Variants in DST observed in about 807,000 individuals in gnomAD.
The protein encoded by DST is dystonin, also known as bullous pemphigoid antigen.
In DST, 253 loss-of-function variants were observed where a neutral mutation model predicts 875.2. The ratio of observed to expected loss-of-function variants is 0.29; its 90% CI spans 0.26 to 0.32. DST has a LOEUF of 0.32. Ranked by LOEUF, DST falls within the 10% of genes least tolerant of loss-of-function variation. The probability of loss-of-function intolerance (pLI) is 1.00; values close to 1 mark genes in which losing one functional copy is unlikely to be tolerated. For missense variants in DST, 8,287 were observed against 9,111.6 expected, an observed-to-expected ratio of 0.91 and a Z score of 3.68; for synonymous variants, 3,124 against 3,197.1, an observed-to-expected ratio of 0.98 and a Z score of 0.77.
chr6:56,710,925 A>C (rs909405267), intron 5 of DST, among the ~76,000 whole-genome samples: 16 of 152,212 alleles, frequency 1.1e-4, no homozygotes, highest in African/African-American at 3.9e-4. Context: ...GCCACATAGA[A>C]TTCATCTCCT....
At chr6:56,650,816 T>G in intron 12 of DST, 110 bp downstream of exon 12, 1 of 624,590 alleles carries the variant, frequency 1.6e-6, no homozygotes, top group Non-Finnish European at 2.8e-6. Context: ...TAACTCAAAT[T>G]CTTTAAAATA....
intron 2 of DST, 145 bp downstream of exon 2, chr6:56,953,640 T>C (rs1823525752): frequency 7.7e-6 from 4 of 518,526 alleles, no homozygotes; most frequent in Middle Eastern, 3.4e-4. Flanking sequence ...TGAAATCACT[T>C]AAAAGGAAAC....
intron 2 of DST, among the ~76,000 whole-genome samples, chr6:56,933,332 T>C (rs532941021): frequency 1.3e-5 from 2 of 152,366 alleles, no homozygotes; most frequent in South Asian, 4.1e-4. Flanking sequence ...ATTTTGTCTG[T>C]AACTTCTGCT....
intron 2 of DST, among the ~76,000 whole-genome samples, chr6:56,940,053 C>T (rs1815554321): frequency 6.6e-6 from 1 of 151,750 alleles, no homozygotes; most frequent in Non-Finnish European, 1.5e-5. Context: ...ATAAATAAGT[C>T]TAGCAGAAGT....
intron 82 of DST, among the ~76,000 whole-genome samples, chr6:56,494,643 G>C (rs2095852109): frequency 6.6e-6 from 1 of 152,066 alleles, no homozygotes. Flanking sequence ...GCAATGGATA[G>C]AAAGTAAATA....
At chr6:56,462,013 A>G (rs2094354507) in intron 102 of DST, 1 of 152,226 alleles carries the variant, frequency 6.6e-6, no homozygotes, top group African/African-American at 2.4e-5. Flanking sequence ...CCTGTCACTT[A>G]TTATTAATGT....
intron 2 of DST, among the ~76,000 whole-genome samples, chr6:56,911,748 G>A (rs755628255): frequency 1.3e-5 from 2 of 152,152 alleles, no homozygotes; most frequent in African/African-American, 2.4e-5. Context: ...CAAAGACTAC[G>A]AGGTTGAAGC....
chr6:56,887,682 G>C (rs1244331494), intron 3 of DST, among the ~76,000 whole-genome samples: 1 of 152,048 alleles, frequency 6.6e-6, no homozygotes, highest in Non-Finnish European at 1.5e-5. Context: ...TCACATACAA[G>C]AAAGACATAG....
intron 57 of DST, 135 bp downstream of exon 57, chr6:56,561,173 A>T: frequency 9.7e-7 from 1 of 1,030,790 alleles, no homozygotes; most frequent in Non-Finnish European, 1.3e-6. Context: ...CACATTAAAC[A>T]AAACTGTCAA....
chr6:56,737,482 C>T (rs913276110), intron 4 of DST, among the ~76,000 whole-genome samples: 6 of 152,302 alleles, frequency 3.9e-5, no homozygotes, highest in Non-Finnish European at 7.4e-5. Context: ...AAGCAAAATA[C>T]AATTAACAAT....
intron 5 of DST, among the ~76,000 whole-genome samples, chr6:56,715,106 G>C (rs1030880987): frequency 8.5e-5 from 13 of 152,142 alleles, no homozygotes; most frequent in Admixed American, 4.6e-4. Flanking sequence ...CCTACACTTT[G>C]CATTTGACCT....
intron 4 of DST, among the ~76,000 whole-genome samples, chr6:56,767,384 A>T (rs2099636190): frequency 6.6e-6 from 1 of 152,134 alleles, no homozygotes; most frequent in South Asian, 2.1e-4. Context: ...TGGGAGGCCA[A>T]AGTGGGCAGA....
chr6:56,717,542 C>G (rs1176486247), intron 5 of DST, among the ~76,000 whole-genome samples: 4 of 152,194 alleles, frequency 2.6e-5, no homozygotes, highest in Non-Finnish European at 5.9e-5. Flanking sequence ...GGTTACCCAT[C>G]ATTATTCCAG....
At chr6:56,501,882 C>CA (rs773391753) in intron 78 of DST, among the ~76,000 whole-genome samples, 189 bp from the exon 79 acceptor site, 1 of 151,962 alleles carries the variant, frequency 6.6e-6, no homozygotes, top group Non-Finnish European at 1.5e-5. Flanking sequence ...AATATTTTCT[C>CA]TTTATTCAAT....
intron 10 of DST, among the ~76,000 whole-genome samples, chr6:56,655,423 A>G (rs2099002368): frequency 6.6e-6 from 1 of 152,182 alleles, no homozygotes; most frequent in South Asian, 2.1e-4. Context: ...AATAGCTGAA[A>G]AGACACATAT....
intron 5 of DST, among the ~76,000 whole-genome samples, chr6:56,708,221 A>C (rs1205728558): frequency 2.0e-5 from 3 of 152,166 alleles, no homozygotes; most frequent in African/African-American, 7.2e-5. Flanking sequence ...TTATCTTTAA[A>C]ATAAAGGTTG....
intron 4 of DST, among the ~76,000 whole-genome samples, chr6:56,792,394 A>G (rs1270274601): frequency 1.3e-5 from 2 of 152,212 alleles, no homozygotes; most frequent in Non-Finnish European, 2.9e-5. Context: ...TCCATTAATT[A>G]CAGGAGAGAA....
At chr6:56,671,601 T>A (rs1263196649) in intron 9 of DST, among the ~76,000 whole-genome samples, 2 of 152,124 alleles carry the variant, frequency 1.3e-5, no homozygotes, top group Non-Finnish European at 2.9e-5. Context: ...CCCAAAAGCA[T>A]CTCTTTGATA....
At chr6:56,809,279 C>T (rs760961622) in intron 4 of DST, among the ~76,000 whole-genome samples, 6 of 152,138 alleles carry the variant, frequency 3.9e-5, no homozygotes, top group Non-Finnish European at 5.9e-5. Flanking sequence ...GGTCTGGTAT[C>T]AGGGAACAAA....
Sources: allele counts gnomAD v4.1 joint callset (sites outside exome capture counted in the v4.1 genomes callset), GRCh38; gene constraint gnomAD v4.1.1; transcripts MANE v1.5; gene names NCBI Gene and HGNC (gene_info 2026-07-23, HGNC 2026-07-21).